Variants in STK32B observed in about 807,000 individuals in gnomAD.
STK32B encodes serine/threonine-protein kinase 32B.
In STK32B, 43 loss-of-function variants were observed where a neutral mutation model predicts 52.6. The ratio of observed to expected loss-of-function variants is 0.82; its 90% confidence interval spans 0.64 to 1.05. The LOEUF is 1.05. Among genes scored for constraint, STK32B ranks in the 50% least tolerant of loss-of-function variants. The probability of loss-of-function intolerance (pLI) is 0.00; values close to 1 mark genes in which losing one functional copy is unlikely to be tolerated. For synonymous variants in STK32B, 238 were observed against 204.3 expected, an observed-to-expected ratio of 1.17 and a Z score of -1.41; for missense variants, 621 against 534.6, an observed-to-expected ratio of 1.16 and a Z score of -1.59.
intron 11 of STK32B, among the ~76,000 whole-genome samples, chr4:5,497,491 C>T (rs1004331575): frequency 6.6e-6 from 1 of 152,196 alleles, no homozygotes; most frequent in Non-Finnish European, 1.5e-5. Flanking sequence ...GCATTTTAAC[C>T]ATGACCACCT....
At chr4:5,209,346 C>T (rs1722769632) in intron 3 of STK32B, among the ~76,000 whole-genome samples, 1 of 152,182 alleles carries the variant, frequency 6.6e-6, no homozygotes, top group Non-Finnish European at 1.5e-5. Context: ...CTCAGTCTTT[C>T]AGGTAGCTGG....
chr4:5,372,489 C>T lies in STK32B; in HGVS notation c.435-25718C>T, dbSNP rs181046012. ...TTAGCACACATTCACATTCGAGACACGGCCATTACTATTCAATATTACCAT... is the reference window on the plus strand; with the variant it reads ...TTAGCACACATTCACATTCGAGACATGGCCATTACTATTCAATATTACCAT... On this transcript the variant is annotated intron_variant, in intron 4 of 11. Transcript: ENST00000282908. Among the ~76,000 whole-genome samples the T allele has an allele frequency of 5.9e-5, 9 of 152,264 alleles. 1 individual carries two copies. The South Asian group carries it at 8.3e-4, about 14-fold the overall frequency.
intron 1 of STK32B, among the ~76,000 whole-genome samples, chr4:5,066,116 G>A (rs753433624): frequency 6.6e-6 from 1 of 152,112 alleles, no homozygotes; most frequent in Non-Finnish European, 1.5e-5. Context: ...TATCTCAAAA[G>A]AATTATTATC....
At chr4:5,288,478 G>C (rs1728686329) in intron 3 of STK32B, among the ~76,000 whole-genome samples, 1 of 152,104 alleles carries the variant, frequency 6.6e-6, no homozygotes, top group Non-Finnish European at 1.5e-5. Context: ...AAATGTCCCT[G>C]ATGATTAATG....
At chr4:5,193,782 GTGTT>G (rs1378436345) in intron 3 of STK32B, among the ~76,000 whole-genome samples, 2 of 152,252 alleles carry the variant, frequency 1.3e-5, no homozygotes, top group South Asian at 2.1e-4. Flanking sequence ...GGATTTCAGA[GTGTT>G]TGCTGATTCA....
intron 3 of STK32B, among the ~76,000 whole-genome samples, chr4:5,275,095 G>C (rs1299070935): frequency 1.3e-5 from 2 of 152,186 alleles, no homozygotes; most frequent in Non-Finnish European, 2.9e-5. Context: ...AGAACCCCAG[G>C]TCAGAGAACA....
At position 5,396,344 on chromosome 4, in the gene STK32B, T is replaced by TAA. The variant is rs559657038; in HGVS notation, c.435-1863_435-1862insAA. Among the ~76,000 whole-genome samples, 165 of 152,034 alleles carry TAA rather than the reference T, an allele frequency of 1.1e-3. No individual in the cohort carries two copies. The highest frequency in any genetic ancestry group is 3.5e-3 in the African/African-American group (146 of 41,488). ...TCTCCTGTGCCTGCATCCAAATCCC[T>TAA]CCCCCTACTTTCCTCCTATAAAGAC... On this transcript the variant is annotated intron_variant, in intron 4 of 11. Coordinates refer to ENST00000282908, the MANE Select transcript of STK32B (RefSeq NM_018401.3). This position sits in a 1 kb window ranked among gnomAD's most constrained non-coding sequence, Gnocchi z 4.7.
intron 1 of STK32B, among the ~76,000 whole-genome samples, chr4:5,131,013 C>T (rs1220197818): frequency 6.6e-6 from 1 of 152,176 alleles, no homozygotes; most frequent in African/African-American, 2.4e-5. Flanking sequence ...GTGCCTGACT[C>T]TGCCGCTGCA....
chr4:5,444,017 G>C (rs1181956931), intron 6 of STK32B, among the ~76,000 whole-genome samples: 2 of 152,200 alleles, frequency 1.3e-5, no homozygotes, highest in Non-Finnish European at 2.9e-5. Flanking sequence ...TGTCAGACAG[G>C]GACATTTAAG....
At chr4:5,316,165 A>AGATATAT (rs1730678423) in intron 3 of STK32B, among the ~76,000 whole-genome samples, 6 of 92,238 alleles carry the variant, frequency 6.5e-5, no homozygotes, top group African/African-American at 3.0e-4. Flanking sequence ...ATATATAACT[A>AGATATAT]AATATATATA....
chr4:5,106,864 T>C (rs578240427), intron 1 of STK32B, among the ~76,000 whole-genome samples: 9 of 152,332 alleles, frequency 5.9e-5, no homozygotes, highest in African/African-American at 2.2e-4. Flanking sequence ...CCCTTAAATG[T>C]CCTGTTGAAT....
chr4:5,150,055 C>A (rs1717218361), intron 2 of STK32B, among the ~76,000 whole-genome samples: 1 of 151,926 alleles, frequency 6.6e-6, no homozygotes, highest in African/African-American at 2.4e-5. Flanking sequence ...TTGTTGTCAT[C>A]TAACTTTCAG....
chr4:5,334,731 T>G (rs942524138), intron 4 of STK32B, among the ~76,000 whole-genome samples: 31 of 151,416 alleles, frequency 2.0e-4, no homozygotes, highest in African/African-American at 7.6e-4. Context: ...TCTATTGAGA[T>G]AATCATGTGG....
intron 3 of STK32B, among the ~76,000 whole-genome samples, chr4:5,171,438 T>G (rs941806586): frequency 6.6e-6 from 1 of 152,190 alleles, no homozygotes; most frequent in African/African-American, 2.4e-5. Flanking sequence ...TTTATGGTTT[T>G]AGGTCTAACA....
chr4:5,037,793 A>T, the STK32B span, among the ~76,000 whole-genome samples: 1 of 152,154 alleles, frequency 6.6e-6, no homozygotes, highest in Non-Finnish European at 1.5e-5. Flanking sequence ...CTCAGCTATG[A>T]CACTGCTTTT....
intron 3 of STK32B, among the ~76,000 whole-genome samples, chr4:5,211,144 A>T (rs755668423): frequency 1.3e-5 from 2 of 152,176 alleles, no homozygotes; most frequent in Non-Finnish European, 2.9e-5. Flanking sequence ...GAATAGTGGC[A>T]TACCAAAAGC....
intron 1 of STK32B, among the ~76,000 whole-genome samples, chr4:5,066,576 A>G (rs757568594): frequency 2.6e-4 from 40 of 152,076 alleles, no homozygotes; most frequent in Non-Finnish European, 5.0e-4. Flanking sequence ...AGCTCTCCCA[A>G]CTCACTGCAA....
At chr4:5,439,339 T>C (rs1288602014) in intron 6 of STK32B, among the ~76,000 whole-genome samples, 1 of 151,720 alleles carries the variant, frequency 6.6e-6, no homozygotes, top group African/African-American at 2.4e-5. Context: ...GGATTTGCAT[T>C]TCTCTGATGG....
intron 1 of STK32B, among the ~76,000 whole-genome samples, chr4:5,072,058 T>C (rs1320708798): frequency 6.6e-6 from 1 of 152,194 alleles, no homozygotes; most frequent in Admixed American, 6.6e-5. Flanking sequence ...CTGTTTGTAA[T>C]TAATGGGAAT....
Sources: gnomAD v4.1 joint callset for allele counts (sites outside exome capture counted in the v4.1 genomes callset) on GRCh38, gnomAD v4.1.1 for gene constraint, Gnocchi (gnomAD v3.1) non-coding constraint, MANE v1.5 for transcripts, NCBI Gene and HGNC (gene_info 2026-07-23, HGNC 2026-07-21) for gene names.